SNX25: variants seen among roughly 807,000 people sequenced by gnomAD.
SNX25 encodes the protein sorting nexin-25.
SNX25 carries 62 observed loss-of-function variants against 113.7 expected under a neutral mutation model. The ratio of observed to expected loss-of-function variants is 0.55; its 90% CI spans 0.44 to 0.67. The LOEUF (loss-of-function observed/expected upper bound fraction) is 0.67. SNX25 is among the 30% of genes least tolerant of loss of function. The pLI, the probability that SNX25 is intolerant of heterozygous loss-of-function variation, is 0.00. For missense variants in SNX25, 1,014 were observed against 1,161.0 expected, an observed-to-expected ratio of 0.87 and a Z score of 1.84; for synonymous variants, 421 against 436.2, an observed-to-expected ratio of 0.97 and a Z score of 0.43.
chr4:185,251,598 CGTGTGTGT>C (rs71593618), intron 2 of SNX25, among the ~76,000 whole-genome samples: 13,650 of 147,170 alleles, frequency 0.093, 675 homozygotes, highest in African/African-American at 0.13. Context: ...TATTCCATTG[CGTGTGTGT>C]GTGTGTGTGT....
intron 3 of SNX25, among the ~76,000 whole-genome samples, chr4:185,261,577 A>G (rs1471832174): frequency 1.3e-5 from 2 of 152,234 alleles, no homozygotes; most frequent in Non-Finnish European, 2.9e-5. Flanking sequence ...TTTTATGATT[A>G]TCTAATTTCA....
chr4:185,308,743 TC>T (rs1244375938), intron 6 of SNX25, among the ~76,000 whole-genome samples: 1 of 152,152 alleles, frequency 6.6e-6, no homozygotes, highest in Non-Finnish European at 1.5e-5. Flanking sequence ...CAGCTTCTCT[TC>T]CCCCTTACTC....
intron 15 of SNX25, among the ~76,000 whole-genome samples, chr4:185,357,424 G>A (rs755998730): frequency 2.6e-5 from 4 of 152,188 alleles, no homozygotes; most frequent in Non-Finnish European, 4.4e-5. Flanking sequence ...TGCGAGCTCA[G>A]CTGTTGGGAG....
intron 6 of SNX25, among the ~76,000 whole-genome samples, chr4:185,288,779 A>G (rs1055188189): frequency 3.9e-5 from 6 of 152,168 alleles, no homozygotes; most frequent in African/African-American, 1.4e-4. Flanking sequence ...TCCCCTTTGC[A>G]TGTACAAAGG....
chr4:185,297,830 TCA>T (rs150293574), intron 6 of SNX25, among the ~76,000 whole-genome samples: 10,181 of 150,038 alleles, frequency 0.068, 439 homozygotes, highest in African/African-American at 0.12. Flanking sequence ...TCTAAATGTT[TCA>T]AAGTGCCTAC....
intron 2 of SNX25, among the ~76,000 whole-genome samples, chr4:185,253,482 T>A (rs1194315175): frequency 6.6e-6 from 1 of 151,886 alleles, no homozygotes; most frequent in Non-Finnish European, 1.5e-5. Context: ...TCTTTTTTTT[T>A]TTTGAGACCG....
chr4:185,369,528 A>AC (rs2095407676), intron 11 of SNX25, among the ~76,000 whole-genome samples: 2 of 152,114 alleles, frequency 1.3e-5, no homozygotes, highest in Admixed American at 6.5e-5. Context: ...ACAGGCATGA[A>AC]CCACTGTGCC....
At chr4:185,357,601 G>A in intron 15 of SNX25, 70 bp from the exon 16 acceptor site, 1 of 1,206,552 alleles carries the variant, frequency 8.3e-7, no homozygotes, top group South Asian at 1.2e-5. Flanking sequence ...TTTATGCTTT[G>A]TACAGCTATG....
rs989122692 is a variant in SNX25 at position 185,320,870 on chromosome 4, A to T, written c.1476+6A>T. On this transcript the variant is annotated splice_donor_region_variant and intron_variant, in intron 8 of 18. Transcript: ENST00000652585. ...ATTTAAAGAATGCTAACAAGGTAGT[A>T]TATGTAGGCTGAAAGGAATATTAAT... The T allele has an allele frequency of 1.9e-6, 3 of 1,579,076 alleles. No individual in the cohort carries two copies. The highest frequency in any genetic ancestry group is 2.6e-6 in the Non-Finnish European group (3 of 1,166,494).
intron 1 of SNX25, among the ~76,000 whole-genome samples, chr4:185,241,356 C>G (rs1254432624): frequency 2.0e-5 from 3 of 151,648 alleles, no homozygotes; most frequent in South Asian, 4.2e-4. Context: ...CGCGCGCCTG[C>G]AATCGCAGGC....
chr4:185,345,077 T>C (rs2095279043), intron 12 of SNX25, among the ~76,000 whole-genome samples: 1 of 152,226 alleles, frequency 6.6e-6, no homozygotes, highest in Admixed American at 6.5e-5. Context: ...GAAATGTCTT[T>C]GGAAGGTAGA....
intron 5 of SNX25, among the ~76,000 whole-genome samples, chr4:185,279,232 GGC>G (rs1750214993): frequency 6.6e-6 from 1 of 151,976 alleles, no homozygotes; most frequent in Admixed American, 6.6e-5. Flanking sequence ...CCTCACCCTG[GGC>G]TGCTCCGGTC....
intron 1 of SNX25, among the ~76,000 whole-genome samples, chr4:185,218,185 A>G (rs1407370207): frequency 6.6e-6 from 1 of 152,168 alleles, no homozygotes; most frequent in African/African-American, 2.4e-5. Context: ...CCCGGGTTCA[A>G]GTGATTCTCC....
At chr4:185,365,018 A>ATGTGTGTG (rs3841656), downstream of SNX25, 1 of 148,978 alleles carries the variant, frequency 6.7e-6, no homozygotes, top group Non-Finnish European at 1.5e-5. Flanking sequence ...GTGTGTGTGT[A>ATGTGTGTG]TGTGTGTGTG....
In SNX25 at chr4:185,239,879, A is replaced by C. The variant is rs548441177; in HGVS notation, c.430-7415A>C. Among the ~76,000 whole-genome samples the C allele has an allele frequency of 1.3e-4, 20 of 149,130 alleles. 1 individual carries two copies. In the South Asian group the frequency reaches 3.7e-3, roughly 27 times the overall value. Reference sequence around the variant, plus strand: ...GGAAGGTCAGCAGATAAGTGAACAAAGGTCTCTGGTTTTCCTAGGCAGAGG... The same window carrying C: ...GGAAGGTCAGCAGATAAGTGAACAACGGTCTCTGGTTTTCCTAGGCAGAGG... On this transcript the variant is annotated intron_variant, in intron 1 of 18. Coordinates refer to ENST00000652585, the MANE Select transcript of SNX25 (RefSeq NM_001378034.2).
downstream of SNX25, among the ~76,000 whole-genome samples, chr4:185,374,863 G>T (rs561439334): frequency 4.6e-5 from 7 of 152,204 alleles, no homozygotes; most frequent in East Asian, 1.4e-3. Flanking sequence ...TAATTCTTAC[G>T]ATACACTTGC....
intron 1 of SNX25, among the ~76,000 whole-genome samples, chr4:185,241,330 C>T (rs936780530): frequency 3.3e-5 from 5 of 152,004 alleles, no homozygotes; most frequent in African/African-American, 1.2e-4. Flanking sequence ...ATATGAAAAC[C>T]AGTCAGGCGT....
At chr4:185,296,645 T>G (rs571953780) in intron 6 of SNX25, among the ~76,000 whole-genome samples, 10 of 152,296 alleles carry the variant, frequency 6.6e-5, no homozygotes, top group African/African-American at 2.2e-4. Context: ...AAAAAATTTT[T>G]TTTGAGACCA....
Position 185,215,199 on chromosome 4 carries a change from A to G in SNX25, c.429+4944A>G, listed in dbSNP as rs112667299. 5.9e-3 allele frequency among the ~76,000 whole-genome samples: 896 copies of G among 152,190 alleles called. 22 individuals carry two copies. Among genetic ancestry groups the G allele is most frequent in the South Asian group, 0.056 (272 of 4,824 alleles). ...AGCCGAGATCGTGCCACTGCACTCC[A>G]GCCTGGGCGACAGAGCGAGACTCCG... On this transcript the variant is annotated intron_variant, in intron 1 of 18. Coordinates refer to ENST00000652585, the MANE Select transcript of SNX25 (RefSeq NM_001378034.2).
Sources: allele counts gnomAD v4.1 joint callset (sites outside exome capture counted in the v4.1 genomes callset), GRCh38; gene constraint gnomAD v4.1.1; transcripts MANE v1.5; gene names NCBI Gene and HGNC (gene_info 2026-07-23, HGNC 2026-07-21).